Variants in IL1RAP observed in about 807,000 individuals in gnomAD.
IL1RAP encodes the protein interleukin 1 receptor accessory protein, also known as interleukin-1 receptor accessory protein.
A neutral mutation model predicts 60.7 loss-of-function variants in IL1RAP; 35 were observed. The ratio of observed to expected loss-of-function variants is 0.58; its 90% CI spans 0.44 to 0.76. The LOEUF is 0.76. IL1RAP is among the 30% of genes least tolerant of loss of function. The pLI, the probability that IL1RAP is intolerant of heterozygous loss-of-function variation, is 0.00. For synonymous variants in IL1RAP, 268 were observed against 250.9 expected, an observed-to-expected ratio of 1.07 and a Z score of -0.64; for missense variants, 572 against 693.9, an observed-to-expected ratio of 0.82 and a Z score of 1.97.
chr3:190,552,896 CT>C (rs1193989079), intron 1 of IL1RAP, among the ~76,000 whole-genome samples: 1 of 152,176 alleles, frequency 6.6e-6, no homozygotes, highest in Non-Finnish European at 1.5e-5. Context: ...TGGATATCCA[CT>C]TTTAATTAAG....
At chr3:190,535,629 T>C (rs1434174461) in intron 1 of IL1RAP, among the ~76,000 whole-genome samples, 1 of 152,232 alleles carries the variant, frequency 6.6e-6, no homozygotes, top group African/African-American at 2.4e-5. Flanking sequence ...AAATCTTCAG[T>C]TCTCTGAGAA....
chr3:190,629,794 G>C, intron 9 of IL1RAP: 2 of 1,071,682 alleles, frequency 1.9e-6, no homozygotes, highest in South Asian at 8.7e-5. Flanking sequence ...TAAAAACAAA[G>C]AAAATATTCA....
At chr3:190,533,472 A>C in intron 1 of IL1RAP, among the ~76,000 whole-genome samples, 1 of 152,326 alleles carries the variant, frequency 6.6e-6, no homozygotes, top group East Asian at 1.9e-4. Context: ...ATTAACACCA[A>C]CTAGTGATGT....
chr3:190,529,324 G>A (rs1722776683), intron 1 of IL1RAP, among the ~76,000 whole-genome samples: 1 of 148,628 alleles, frequency 6.7e-6, no homozygotes, highest in Non-Finnish European at 1.5e-5. Context: ...GGATCATGAA[G>A]TCAGGAGTTC....
At chr3:190,515,813 C>T (rs1047004885) in intron 1 of IL1RAP, among the ~76,000 whole-genome samples, 1 of 151,528 alleles carries the variant, frequency 6.6e-6, no homozygotes, top group Admixed American at 6.6e-5. Context: ...CATTTTTCAT[C>T]TAGTATCAGA....
rs1734220597 is a variant in IL1RAP, at chr3:190,648,781, T to G, written c.*76T>G. ...AGTCCCCCCAGTCTTCATTCGCAGT[T>G]TATGGTTTCATAGGCAAAAATAATG... On this transcript the variant is annotated 3_prime_UTR_variant, in exon 12 of 12. Coordinates refer to ENST00000447382, the MANE Select transcript of IL1RAP (RefSeq NM_002182.4). 1 of 1,508,436 alleles carries G rather than the reference T, an allele frequency of 6.6e-7. No homozygotes were observed. The highest frequency in any genetic ancestry group is 1.4e-5 in the South Asian group (1 of 72,682). 93.4% of individuals were successfully genotyped at this position (1,508,436 alleles called of 1,614,324 possible).
At chr3:190,618,350 A>G (rs1190412708) in intron 5 of IL1RAP, among the ~76,000 whole-genome samples, 1 of 152,240 alleles carries the variant, frequency 6.6e-6, no homozygotes, top group Non-Finnish European at 1.5e-5. Context: ...GACAGAGTAT[A>G]TGTTAAGTGC....
chr3:190,635,713 A>G (rs1733165297), intron 9 of IL1RAP, among the ~76,000 whole-genome samples: 1 of 152,192 alleles, frequency 6.6e-6, no homozygotes, highest in Admixed American at 6.5e-5. Context: ...AGTTGGCTTT[A>G]TGTTCACTCT....
chr3:190,615,283 C>T (rs1317031311), intron 5 of IL1RAP: 17 of 1,255,964 alleles, frequency 1.4e-5, no homozygotes, highest in Non-Finnish European at 1.8e-5. Flanking sequence ...TGAAATATAC[C>T]ATGTGTATAA....
intron 1 of IL1RAP, among the ~76,000 whole-genome samples, chr3:190,514,922 C>T (rs1721379609): frequency 6.6e-6 from 1 of 152,214 alleles, no homozygotes; most frequent in South Asian, 2.1e-4. Context: ...AGCCCCTTCC[C>T]TCTTCTAAAT....
At chr3:190,550,249 A>G (rs976948149) in intron 1 of IL1RAP, 1 of 152,246 alleles carries the variant, frequency 6.6e-6, no homozygotes, top group Non-Finnish European at 1.5e-5. Flanking sequence ...GCTTGGCTTA[A>G]TTGGCAGGAA....
intron 3 of IL1RAP, among the ~76,000 whole-genome samples, chr3:190,571,972 GATATACAAATT>G (rs1726967115): frequency 6.6e-6 from 1 of 152,160 alleles, no homozygotes; most frequent in Non-Finnish European, 1.5e-5. Flanking sequence ...AAGGCAAACA[GATATACAAATT>G]ATTGTTCCCA....
rs146553507 is a variant in IL1RAP, at chr3:190,529,370, G to A, written c.-89+15151G>A. 9.5e-5 allele frequency among the ~76,000 whole-genome samples: 14 copies of A among 146,986 alleles called. No homozygotes were observed. The South Asian group carries it at 2.5e-3, about 26-fold the overall frequency. On this transcript the variant is annotated intron_variant, in intron 1 of 11. Coordinates refer to ENST00000447382, the MANE Select transcript of IL1RAP (RefSeq NM_002182.4). ...TGGTCAAGAGACCAGCCTGGCCAACGTGGTGAAACCCCTTCTCTACTAAAA... is the reference window on the plus strand; with the variant it reads ...TGGTCAAGAGACCAGCCTGGCCAACATGGTGAAACCCCTTCTCTACTAAAA...
rs376511516 is a variant in IL1RAP at position 190,604,130 on chromosome 3, C to T, written c.67C>T (p.Arg23Cys). 5.6e-6 allele frequency: 9 copies of T among 1,613,262 alleles called. No homozygotes were observed. The highest frequency in any genetic ancestry group is 5.0e-5 in the Admixed American group (3 of 59,960). ...YGILQSDASERCDDWGLDTMR... is the reference protein window; with the variant it reads ...YGILQSDASECCDDWGLDTMR... ...TCTTTCTTTTTTGATTATTCCAGAA[C>T]GCTGCGATGACTGGGGACTAGACAC... is the stretch of plus-strand genomic sequence containing the variant. The change falls in exon 4 of 12, where the codon CGC becomes TGC. Residue 23 changes from arginine (R) to cysteine (C), a missense_variant and splice_region_variant. Coordinates refer to ENST00000447382, the MANE Select transcript of IL1RAP (RefSeq NM_002182.4).
chr3:190,560,412 G>A (rs766702176), intron 2 of IL1RAP, among the ~76,000 whole-genome samples: 90 of 152,212 alleles, frequency 5.9e-4, no homozygotes, highest in Non-Finnish European at 1.5e-4. Flanking sequence ...GCAGAATGAA[G>A]CAGGTTTAGC....
At position 190,648,728 on chromosome 3, in the gene IL1RAP, A is replaced by G. The variant is rs1276834423; in HGVS notation, c.*23A>G. 6.3e-7 allele frequency: 1 copy of G among 1,587,884 alleles called. No individual in the cohort carries two copies. The highest frequency in any genetic ancestry group is 2.2e-5 in the East Asian group (1 of 44,728). Reference sequence around the variant, plus strand: ...TGAAAGGAATAATGAAAAGGGTAAAAAGAACAAGGGGTGCTCCAGGAAGAA... The same window carrying G: ...TGAAAGGAATAATGAAAAGGGTAAAGAGAACAAGGGGTGCTCCAGGAAGAA... On this transcript the variant is annotated 3_prime_UTR_variant, in exon 12 of 12. Coordinates refer to ENST00000447382, the MANE Select transcript of IL1RAP (RefSeq NM_002182.4).
At chr3:190,557,669 A>G (rs892925690) in intron 2 of IL1RAP, among the ~76,000 whole-genome samples, 1 of 152,304 alleles carries the variant, frequency 6.6e-6, no homozygotes, top group South Asian at 2.1e-4. Context: ...GTTATTTTCA[A>G]AGTAAATGTT....
chr3:190,628,483 G>C (rs930469869), intron 8 of IL1RAP, among the ~76,000 whole-genome samples: 3 of 152,192 alleles, frequency 2.0e-5, no homozygotes, highest in African/African-American at 7.2e-5. Flanking sequence ...ATACCTGACA[G>C]TAAGCCTAGT....
At chr3:190,581,844 C>A (rs1409985595) in intron 3 of IL1RAP, among the ~76,000 whole-genome samples, 1 of 152,086 alleles carries the variant, frequency 6.6e-6, no homozygotes, top group Admixed American at 6.6e-5. Flanking sequence ...AACAAATAGT[C>A]CCTGTTCCTT....
Sources: allele counts gnomAD v4.1 joint callset (sites outside exome capture counted in the v4.1 genomes callset), GRCh38; gene constraint gnomAD v4.1.1; transcripts MANE v1.5; gene names NCBI Gene and HGNC (gene_info 2026-07-23, HGNC 2026-07-21).